POU6F2: variants seen among roughly 807,000 people sequenced by gnomAD.
The protein encoded by POU6F2 is POU domain, class 6, transcription factor 2.
In POU6F2, 31 loss-of-function variants were observed where a neutral mutation model predicts 71.3. The observed-to-expected ratio is 0.43, with a 90% confidence interval of 0.33 to 0.59. POU6F2 has a LOEUF of 0.59. Among genes scored for constraint, POU6F2 ranks in the 20% least tolerant of loss-of-function variants. The pLI, the probability that POU6F2 is intolerant of heterozygous loss-of-function variation, is 0.04. For missense variants in POU6F2, 783 were observed against 856.8 expected (o/e 0.91, Z 1.07); for synonymous variants, 347 against 355.7 (o/e 0.98, Z 0.27).
chr7:39,351,959 C>T (rs1361021103), intron 5 of POU6F2, among the ~76,000 whole-genome samples: 5 of 152,172 alleles, frequency 3.3e-5, no homozygotes, highest in Non-Finnish European at 7.4e-5. Flanking sequence ...TTACATGACT[C>T]CTGGAGTCAT....
At chr7:39,463,255 C>A (rs143761905) in intron 9 of POU6F2, among the ~76,000 whole-genome samples, 1 of 152,184 alleles carries the variant, frequency 6.6e-6, no homozygotes, top group Non-Finnish European at 1.5e-5. Context: ...TTGTCCAAGA[C>A]GCTTCATATT....
At position 39,465,295 on chromosome 7, in the gene POU6F2, G is replaced by A. The variant is rs1174229306; in HGVS notation, c.*609G>A. On this transcript the variant is annotated 3_prime_UTR_variant, in exon 10 of 10. Transcript: ENST00000518318. Reference sequence around the variant, plus strand: ...AGTTGTGTTACGAATTTTTACATTTGTACTAACAGAACAATAGGAAGCCTG... The same window carrying A: ...AGTTGTGTTACGAATTTTTACATTTATACTAACAGAACAATAGGAAGCCTG... The A allele has an allele frequency of 6.6e-6, 1 of 152,516 alleles. No individual in the cohort carries two copies. Among genetic ancestry groups the A allele is most frequent in the African/African-American group, 2.4e-5 (1 of 41,430 alleles). 9.4% of individuals were successfully genotyped at this position (152,516 alleles called of 1,614,324 possible).
intron 6 of POU6F2, among the ~76,000 whole-genome samples, chr7:39,432,217 G>A (rs1263484805): frequency 6.6e-6 from 1 of 151,986 alleles, no homozygotes; most frequent in Non-Finnish European, 1.5e-5. Flanking sequence ...AGTCCCCATG[G>A]TCCCTCGTTG....
chr7:39,026,371 C>T (rs544268180), intron 1 of POU6F2, among the ~76,000 whole-genome samples: 5 of 151,970 alleles, frequency 3.3e-5, no homozygotes, highest in Admixed American at 6.6e-5. Context: ...CAATGATAGA[C>T]TGGATTAAGA....
intron 4 of POU6F2, among the ~76,000 whole-genome samples, chr7:39,236,692 A>G (rs1794682447): frequency 6.6e-6 from 1 of 152,136 alleles, no homozygotes; most frequent in South Asian, 2.1e-4. Context: ...ATGCTACTTC[A>G]TTTATCATAC....
At chr7:39,064,092 C>A (rs1790710597) in intron 1 of POU6F2, among the ~76,000 whole-genome samples, 1 of 151,582 alleles carries the variant, frequency 6.6e-6, no homozygotes, top group South Asian at 2.1e-4. Flanking sequence ...AACTTTGAAG[C>A]CAATTAGATA....
At chr7:39,399,140 C>A (rs1002098706) in intron 5 of POU6F2, among the ~76,000 whole-genome samples, 9 of 152,190 alleles carry the variant, frequency 5.9e-5, no homozygotes, top group Non-Finnish European at 1.3e-4. Flanking sequence ...TCCCACTGAC[C>A]CCTAACCCCA....
intron 5 of POU6F2, among the ~76,000 whole-genome samples, chr7:39,356,905 A>T (rs746741501): frequency 1.3e-5 from 2 of 152,204 alleles, no homozygotes; most frequent in Non-Finnish European, 2.9e-5. Flanking sequence ...GCTTTAAATC[A>T]GTTTATTTTA....
chr7:39,169,981 G>A lies in POU6F2; in HGVS notation c.278-34254G>A, dbSNP rs957079. Among the ~76,000 whole-genome samples the A allele has an allele frequency of 7.0e-3, 1,063 of 152,132 alleles. 44 individuals are homozygous for A. Among genetic ancestry groups the A allele is most frequent in the Admixed American group, 0.064 (975 of 15,278 alleles). On this transcript the variant is annotated intron_variant, in intron 2 of 9. Coordinates refer to ENST00000518318, the MANE Select transcript of POU6F2 (RefSeq NM_001370959.1). ...GCGGATCACTTGAGGTCAGGAGTTC[G>A]AGACCAGCCTGGCCAACATGGCGAA...
intron 1 of POU6F2, among the ~76,000 whole-genome samples, chr7:39,065,591 A>G (rs1043068959): frequency 6.6e-6 from 1 of 151,276 alleles, no homozygotes; most frequent in Non-Finnish European, 1.5e-5. Context: ...AAAATAGGGG[A>G]AAAAAAGCAT....
intron 2 of POU6F2, among the ~76,000 whole-genome samples, chr7:39,164,130 C>T (rs944005997): frequency 2.0e-4 from 31 of 151,926 alleles, no homozygotes; most frequent in African/African-American, 6.5e-4. Flanking sequence ...ATAATGTGTA[C>T]ATTCATTATC....
At chr7:39,003,613 G>C (rs1009506988) in intron 1 of POU6F2, among the ~76,000 whole-genome samples, 2 of 151,546 alleles carry the variant, frequency 1.3e-5, no homozygotes, top group African/African-American at 4.8e-5. Flanking sequence ...GCTGGGCGTG[G>C]TGGCAGGCAC....
intron 1 of POU6F2, among the ~76,000 whole-genome samples, chr7:39,010,538 A>C (rs1049937585): frequency 1.7e-4 from 25 of 147,738 alleles, no homozygotes; most frequent in African/African-American, 6.3e-4. Context: ...TTGTGCTCTG[A>C]TTTTAGTTAT....
In POU6F2 at chr7:39,284,760, G is replaced by A. The variant is rs559163270; in HGVS notation, c.599-54882G>A. On this transcript the variant is annotated intron_variant, in intron 4 of 9. Coordinates refer to ENST00000518318, the MANE Select transcript of POU6F2 (RefSeq NM_001370959.1). ...CTTTTCCATGCCACTCAAGAAATAA[G>A]AAATGGCTTTTCTTCCTAATTCAAG... 2.5e-3 allele frequency among the ~76,000 whole-genome samples: 375 copies of A among 152,284 alleles called. 3 individuals carry two copies. Among genetic ancestry groups the A allele is most frequent in the African/African-American group, 8.5e-3 (355 of 41,560 alleles).
chr7:39,152,775 A>G (rs985427205), intron 2 of POU6F2, among the ~76,000 whole-genome samples: 1 of 152,188 alleles, frequency 6.6e-6, no homozygotes, highest in Admixed American at 6.5e-5. Context: ...ATTCTGGGAA[A>G]GTAAGGTTTA....
intron 4 of POU6F2, among the ~76,000 whole-genome samples, chr7:39,237,059 A>T (rs756077642): frequency 3.3e-5 from 5 of 152,076 alleles, no homozygotes; most frequent in Non-Finnish European, 7.4e-5. Context: ...CTGGTGCTAC[A>T]CTCCTCACAC....
intron 1 of POU6F2, among the ~76,000 whole-genome samples, chr7:39,065,142 A>C (rs1790731466): frequency 6.6e-6 from 1 of 151,846 alleles, no homozygotes; most frequent in African/African-American, 2.4e-5. Context: ...TTAAAAGCTG[A>C]CCATAAAACA....
chr7:39,449,605 TA>T (rs1409234130), intron 7 of POU6F2, among the ~76,000 whole-genome samples: 1 of 152,074 alleles, frequency 6.6e-6, no homozygotes, highest in Non-Finnish European at 1.5e-5. Context: ...GTATTTACAT[TA>T]GAGAAACAAA....
intron 4 of POU6F2, among the ~76,000 whole-genome samples, chr7:39,305,996 T>C (rs1397781094): frequency 1.1e-5 from 1 of 93,390 alleles, no homozygotes; most frequent in African/African-American, 3.8e-5. Context: ...AATTTCCTTT[T>C]CTTTCCCTTT....
Sources: allele counts gnomAD v4.1 joint callset (sites outside exome capture counted in the v4.1 genomes callset), GRCh38; gene constraint gnomAD v4.1.1; transcripts MANE v1.5; gene names NCBI Gene and HGNC (gene_info 2026-07-23, HGNC 2026-07-21).